Variants in CD274 observed in about 807,000 individuals in gnomAD.
CD274 encodes programmed cell death 1 ligand 1.
Under a neutral mutation model 30.1 loss-of-function variants are expected in CD274, and 8 were observed. The observed-to-expected ratio is 0.27, with a 90% CI of 0.16 to 0.48. The LOEUF is 0.48. CD274 is among the 20% of genes least tolerant of loss of function. CD274 has a pLI of 0.99. For missense variants in CD274, 353 were observed against 346.6 expected (o/e 1.02, Z -0.15); for synonymous variants, 152 against 124.6 (o/e 1.22, Z -1.46).
intron 1 of CD274, among the ~76,000 whole-genome samples, chr9:5,452,551 C>A (rs1297270440): frequency 6.6e-6 from 1 of 152,196 alleles, no homozygotes; most frequent in East Asian, 1.9e-4. Context: ...TGTCAGTCTT[C>A]TTCTCTTAGA....
intron 4 of CD274, among the ~76,000 whole-genome samples, chr9:5,463,443 A>G (rs1021745233): frequency 6.6e-6 from 1 of 152,174 alleles, no homozygotes; most frequent in South Asian, 2.1e-4. Flanking sequence ...AAAACAGGCA[A>G]TCCAACACCA....
intron 1 of CD274, among the ~76,000 whole-genome samples, chr9:5,451,403 AACTC>A (rs1819200139): frequency 6.6e-6 from 1 of 152,240 alleles, no homozygotes; most frequent in South Asian, 2.1e-4. Flanking sequence ...CCATTCACTG[AACTC>A]ATTGCATATA....
Position 5,469,351 on chromosome 9 carries a change from G to A in CD274, c.*1489G>A, listed in dbSNP as rs201324948. 4.3e-6 allele frequency: 1 copy of A among 232,554 alleles called. No homozygotes were observed. Among genetic ancestry groups the A allele is most frequent in the East Asian group, 6.1e-5 (1 of 16,472 alleles). 14.4% of individuals were successfully genotyped at this position (232,554 alleles called of 1,614,324 possible). A position where few individuals can be genotyped will look rare whatever the true frequency, so the allele number is the denominator to read the frequency against. On this transcript the variant is annotated 3_prime_UTR_variant, in exon 7 of 7. Coordinates refer to ENST00000381577, the MANE Select transcript of CD274 (RefSeq NM_014143.4). ...TGATTCAAAATTCAAAAGATCCCAT[G>A]GGAGATGGTTGGAAAATCTCCACTT...
intron 1 of CD274, among the ~76,000 whole-genome samples, chr9:5,454,586 A>G (rs2131206032): frequency 6.6e-6 from 1 of 152,286 alleles, no homozygotes; most frequent in South Asian, 2.1e-4. Context: ...GGATATTCTC[A>G]GTTTGCTGTT....
intron 1 of CD274, among the ~76,000 whole-genome samples, chr9:5,455,669 T>G (rs1459110385): frequency 6.6e-6 from 1 of 152,180 alleles, no homozygotes; most frequent in Non-Finnish European, 1.5e-5. Flanking sequence ...AGTATTTAGC[T>G]GTAGGGGGAA....
At chr9:5,465,674 G>A in intron 5 of CD274, 68 bp downstream of exon 5, 1 of 966,320 alleles carries the variant, frequency 1.0e-6, no homozygotes, top group Non-Finnish European at 1.7e-6. Context: ...GATCATGGCT[G>A]CAAGGAAACC....
chr9:5,455,593 T>A (rs1819286731), intron 1 of CD274, among the ~76,000 whole-genome samples: 1 of 152,182 alleles, frequency 6.6e-6, no homozygotes, highest in Non-Finnish European at 1.5e-5. Flanking sequence ...GGATGGCACC[T>A]GAAGGAGGAC....
intron 3 of CD274, among the ~76,000 whole-genome samples, chr9:5,459,239 A>C (rs1819360533): frequency 6.6e-6 from 1 of 152,302 alleles, no homozygotes; most frequent in South Asian, 2.1e-4. Flanking sequence ...TTGTTTGACA[A>C]TTCCATTTTG....
Position 5,468,165 on chromosome 9 carries a change from A to G in CD274, c.*303A>G. 1 of 428,458 alleles carries G rather than the reference A, an allele frequency of 2.3e-6. No individual in the cohort carries two copies. Among genetic ancestry groups the G allele is most frequent in the African/African-American group, 2.0e-5 (1 of 50,496 alleles). 26.5% of individuals were successfully genotyped at this position (428,458 alleles called of 1,614,324 possible). The stretch of plus-strand genomic sequence containing the variant: ...CAAGGAGCCTCCAAGCAAATCATCC[A>G]TTGCTCATCCTAGGAAGACGGGTTG... On this transcript the variant is annotated 3_prime_UTR_variant, in exon 7 of 7. Transcript: ENST00000381577.
chr9:5,459,589 C>T (rs944397972), intron 3 of CD274, among the ~76,000 whole-genome samples: 3 of 152,168 alleles, frequency 2.0e-5, no homozygotes, highest in Admixed American at 2.0e-4. Flanking sequence ...AAAGGTGAAA[C>T]ATTTCAAAAC....
intron 2 of CD274, among the ~76,000 whole-genome samples, chr9:5,456,563 G>A (rs1819307109): frequency 1.3e-5 from 2 of 152,182 alleles, no homozygotes; most frequent in Non-Finnish European, 2.9e-5. Context: ...AGGAAGAATT[G>A]TAAGATACAT....
At chr9:5,467,425 C>G (rs374026067) in intron 6 of CD274, among the ~76,000 whole-genome samples, 1 of 152,126 alleles carries the variant, frequency 6.6e-6, no homozygotes, top group African/African-American at 2.4e-5. Flanking sequence ...GGCAGAAAAA[C>G]CTCATCCAGG....
At chr9:5,453,941 C>T (rs1053675558) in intron 1 of CD274, among the ~76,000 whole-genome samples, 2 of 152,222 alleles carry the variant, frequency 1.3e-5, no homozygotes, top group African/African-American at 4.8e-5. Flanking sequence ...TTCCAGGCAT[C>T]ACCAGATGCT....
At position 5,469,214 on chromosome 9, in the gene CD274, T is replaced by G. The variant is rs1438413219; in HGVS notation, c.*1352T>G. The G allele has an allele frequency of 4.3e-6, 1 of 232,924 alleles. No homozygotes were observed. The highest frequency in any genetic ancestry group is 8.5e-6 in the Non-Finnish European group (1 of 117,904). 14.4% of individuals were successfully genotyped at this position (232,924 alleles called of 1,614,324 possible). A position where few individuals can be genotyped will look rare whatever the true frequency, so the allele number is the denominator to read the frequency against. ...CCTTTTCTAGCATTATATTTATTCC[T>G]GATTTGCCTTTGCCATATAATCTAA... On this transcript the variant is annotated 3_prime_UTR_variant, in exon 7 of 7. Coordinates refer to ENST00000381577, the MANE Select transcript of CD274 (RefSeq NM_014143.4).
rs548835501 is a variant in CD274, at chr9:5,456,985, C to T, written c.53-94C>T. The T allele has an allele frequency of 2.4e-5, 19 of 796,472 alleles. No individual in the cohort carries two copies. The East Asian group carries it at 3.0e-4, about 13-fold the overall frequency. The allele number at this position is 796,472 out of a possible 1,614,324, so 49.3% of individuals were successfully genotyped here. ...TTCTTAAATATAATGATAACATAAC[C>T]GACCAGATAAAGTGATTTATAAACG... On this transcript the variant is annotated intron_variant, in intron 2 of 6. Transcript: ENST00000381577.
chr9:5,464,708 C>G (rs934724603), intron 4 of CD274, among the ~76,000 whole-genome samples: 1 of 152,162 alleles, frequency 6.6e-6, no homozygotes. Flanking sequence ...GAGGTGGGAG[C>G]TCCTTAGCAG....
intron 1 of CD274, among the ~76,000 whole-genome samples, chr9:5,453,302 A>C (rs771541914): frequency 2.0e-5 from 3 of 152,266 alleles, no homozygotes; most frequent in Non-Finnish European, 4.4e-5. Flanking sequence ...AAACAGACCA[A>C]AAAATGATCA....
rs767045783 is a variant in CD274 at position 5,465,569 on chromosome 9, T to C, written c.753T>C (p.Leu251=). ...TTCTGGGAGCCATCTTATTATGCCT[T>C]GGTGTAGCACTGACATTCATCTTCC... ...LVILGAILLC[L]GVALTFIFRL... Residue 251 remains leucine (L), a synonymous_variant, in exon 5 of 7, where the codon CTT becomes CTC. Coordinates refer to ENST00000381577, the MANE Select transcript of CD274 (RefSeq NM_014143.4). 6.2e-7 allele frequency: 1 copy of C among 1,609,312 alleles called. No individual in the cohort carries two copies. The highest frequency in any genetic ancestry group is 1.7e-5 in the Admixed American group (1 of 59,986).
At chr9:5,452,560 G>C (rs2890657) in intron 1 of CD274, among the ~76,000 whole-genome samples, 25,398 of 152,158 alleles carry the variant, frequency 0.17, 2,951 homozygotes, top group East Asian at 0.5. Flanking sequence ...TCTTCTCTTA[G>C]ACCAACTGCC....
Sources: allele counts gnomAD v4.1 joint callset (sites outside exome capture counted in the v4.1 genomes callset), GRCh38; gene constraint gnomAD v4.1.1; transcripts MANE v1.5; gene names NCBI Gene and HGNC (gene_info 2026-07-23, HGNC 2026-07-21).